The following LNPEP variants were observed in gnomAD, a reference collection of about 807,000 sequenced individuals.
LNPEP encodes leucyl and cystinyl aminopeptidase.
Under a neutral mutation model 120.6 loss-of-function variants are expected in LNPEP, and 64 were observed. The observed-to-expected ratio is 0.53, with a 90% confidence interval of 0.43 to 0.65. The LOEUF (loss-of-function observed/expected upper bound fraction) is 0.65, where lower values mean the gene tolerates loss of function less well. Among genes scored for constraint, LNPEP ranks in the 30% least tolerant of loss-of-function variants. The probability of loss-of-function intolerance (pLI) is 0.00; values close to 1 mark genes in which losing one functional copy is unlikely to be tolerated. For synonymous variants in LNPEP, 435 were observed against 425.4 expected, an observed-to-expected ratio of 1.02 and a Z score of -0.28; for missense variants, 1,057 against 1,200.0, an observed-to-expected ratio of 0.88 and a Z score of 1.76.
chr5:97,005,111 A>G (rs1790748574), intron 9 of LNPEP, among the ~76,000 whole-genome samples: 1 of 152,198 alleles, frequency 6.6e-6, no homozygotes, highest in South Asian at 2.1e-4. Context: ...TAAATAGGTC[A>G]GAGCCATGAT....
chr5:97,006,026 T>C lies in LNPEP; in HGVS notation c.1786-47T>C, dbSNP rs1271256735. On this transcript the variant is annotated intron_variant, in intron 9 of 17. Coordinates refer to ENST00000231368, the MANE Select transcript of LNPEP (RefSeq NM_005575.3). ...AATGTAAAATTTTTTAAACCAATTT[T>C]TATTTTTAAGGAAAAAGTTTTATAT... is the stretch of plus-strand genomic sequence containing the variant. 10 of 676,672 alleles carry C rather than the reference T, an allele frequency of 1.5e-5. No individual in the cohort carries two copies. The African/African-American group carries it at 1.8e-4, about 12-fold the overall frequency. 41.9% of individuals were successfully genotyped at this position (676,672 alleles called of 1,614,324 possible).
chr5:96,951,267 G>C (rs918993312), intron 1 of LNPEP, among the ~76,000 whole-genome samples: 2 of 151,634 alleles, frequency 1.3e-5, no homozygotes, highest in Non-Finnish European at 2.9e-5. Context: ...TTTTTTGGCG[G>C]GGGGCGCGGG....
At chr5:96,938,761 C>T (rs1239037517) in intron 1 of LNPEP, among the ~76,000 whole-genome samples, 1 of 152,160 alleles carries the variant, frequency 6.6e-6, no homozygotes, top group East Asian at 1.9e-4. Flanking sequence ...GATCTTAGTG[C>T]TAGGAATTCC....
At chr5:96,964,549 A>G (rs1789682407) in intron 1 of LNPEP, among the ~76,000 whole-genome samples, 1 of 152,052 alleles carries the variant, frequency 6.6e-6, no homozygotes, top group Non-Finnish European at 1.5e-5. Flanking sequence ...ATAATATCTT[A>G]TTCAGTATGA....
chr5:96,941,759 T>C (rs1337456842), intron 1 of LNPEP, among the ~76,000 whole-genome samples: 1 of 152,208 alleles, frequency 6.6e-6, no homozygotes, highest in Non-Finnish European at 1.5e-5. Context: ...GTAATTCATT[T>C]GTGATTGTCC....
At position 97,003,404 on chromosome 5, in the gene LNPEP, T is replaced by G. The variant is rs756674515; in HGVS notation, c.1654-11T>G. On this transcript the variant is annotated splice_polypyrimidine_tract_variant and intron_variant, in intron 8 of 17. Coordinates refer to ENST00000231368, the MANE Select transcript of LNPEP (RefSeq NM_005575.3). ...ATTTTCTTTCTTTTTCCTCACTTTT[T>G]TTTTTAATAGGGATCTTCTCTCTTG... 6 of 1,467,882 alleles carry G rather than the reference T, an allele frequency of 4.1e-6. No individual in the cohort carries two copies. In the South Asian group the frequency reaches 7.4e-5, roughly 18 times the overall value. 90.9% of individuals were successfully genotyped at this position (1,467,882 alleles called of 1,614,324 possible).
intron 16 of LNPEP, among the ~76,000 whole-genome samples, chr5:97,027,372 G>A (rs547549973): frequency 1.3e-5 from 2 of 151,912 alleles, no homozygotes; most frequent in Non-Finnish European, 2.9e-5. Flanking sequence ...AAACAAAAAG[G>A]AAAATACCTC....
chr5:96,963,385 ATCTTGCATGAGGTCACTCTTGTAGCAGT>A (rs1789651379), intron 1 of LNPEP, among the ~76,000 whole-genome samples: 2 of 152,100 alleles, frequency 1.3e-5, no homozygotes, highest in Non-Finnish European at 2.9e-5. Flanking sequence ...TCCTCTGCTG[ATCTTGCATGAGGTCACTCTTGTAGCAGT>A]CATCATCTGG....
rs1791433905 is a variant in LNPEP, at chr5:97,029,771, G to A, written c.*1238G>A. On this transcript the variant is annotated 3_prime_UTR_variant, in exon 18 of 18. Transcript: ENST00000231368. ...TTGTGTGTCCAAACTAACATAAAAG[G>A]AGTGGTCAAAGAAGGAAAGAAGAAA... The A allele has an allele frequency of 6.6e-6, 1 of 152,036 alleles. No homozygotes were observed. The highest frequency in any genetic ancestry group is 6.6e-5 in the Admixed American group (1 of 15,266). The allele number at this position is 152,036 out of a possible 1,614,324, so 9.4% of individuals were successfully genotyped here.
intron 9 of LNPEP, among the ~76,000 whole-genome samples, chr5:97,005,445 T>G (rs1790756969): frequency 6.6e-6 from 1 of 152,070 alleles, no homozygotes; most frequent in Non-Finnish European, 1.5e-5. Context: ...TAACTTCATA[T>G]ATTTTCTGGG....
At chr5:96,976,063 G>A (rs950337832) in intron 1 of LNPEP, among the ~76,000 whole-genome samples, 1 of 152,082 alleles carries the variant, frequency 6.6e-6, no homozygotes, top group Non-Finnish European at 1.5e-5. Flanking sequence ...AAATCCCATC[G>A]AGCAAGGGGT....
Position 97,030,625 on chromosome 5 carries a change from TGTGTG to T in LNPEP, c.*2093_*2097del, listed in dbSNP as rs1791450939. 4 of 20,918 alleles carry T rather than the reference TGTGTG, an allele frequency of 1.9e-4. No individual in the cohort carries two copies. Among genetic ancestry groups the T allele is most frequent in the Non-Finnish European group, 3.5e-4 (4 of 11,512 alleles). The allele number at this position is 20,918 out of a possible 1,614,324, so 1.3% of individuals were successfully genotyped here. A position where few individuals can be genotyped will look rare whatever the true frequency, so the allele number is the denominator to read the frequency against. On this transcript the variant is annotated 3_prime_UTR_variant, in exon 18 of 18. Coordinates refer to ENST00000231368, the MANE Select transcript of LNPEP (RefSeq NM_005575.3). The stretch of plus-strand genomic sequence containing the variant: ...CTCTCCCTCTCTCTCTCTCTCTGTG[TGTGTG>T]TGTGTGTGTGTGTGTGTGTGTGTGT...
intron 13 of LNPEP, among the ~76,000 whole-genome samples, chr5:97,021,854 T>C (rs189031374): frequency 7.2e-4 from 110 of 151,938 alleles, no homozygotes; most frequent in Middle Eastern, 3.4e-3. Flanking sequence ...CCTTTTTTTT[T>C]CCTCATTGGA....
chr5:96,973,280 A>C (rs1789911649), intron 1 of LNPEP, among the ~76,000 whole-genome samples: 1 of 152,084 alleles, frequency 6.6e-6, no homozygotes, highest in African/African-American at 2.4e-5. Context: ...CCCAGAAAAA[A>C]ATCACCTTTT....
chr5:96,937,309 C>G (rs1439625521), intron 1 of LNPEP: 1 of 152,204 alleles, frequency 6.6e-6, no homozygotes, highest in Non-Finnish European at 1.5e-5. Context: ...GGGCTGTGAA[C>G]TACTGATTAT....
intron 14 of LNPEP, 93 bp from the exon 15 acceptor site, chr5:97,024,428 C>T: frequency 8.6e-7 from 1 of 1,166,170 alleles, no homozygotes; most frequent in Non-Finnish European, 1.2e-6. Flanking sequence ...TTATTACCAA[C>T]CCTCACACCA....
chr5:97,007,690 C>A lies in LNPEP; in HGVS notation c.2035+1175C>A, dbSNP rs141970115. The stretch of plus-strand genomic sequence containing the variant: ...CATTATGTATATATGATTTCTGTAT[C>A]TTGCCTTTTTTAACTTAACATATAT... On this transcript the variant is annotated intron_variant, in intron 11 of 17. Transcript: ENST00000231368. 8.5e-5 allele frequency among the ~76,000 whole-genome samples: 13 copies of A among 152,172 alleles called. 1 individual carries two copies. Among genetic ancestry groups the A allele is most frequent in the African/African-American group, 2.4e-4 (10 of 41,520 alleles).
chr5:97,014,912 T>C (rs1412720212), intron 12 of LNPEP, 27 bp from the exon 13 acceptor site: 6 of 1,475,910 alleles, frequency 4.1e-6, no homozygotes, highest in Non-Finnish European at 4.5e-6. Context: ...TCTGCATATT[T>C]ACTTTTCCTG....
At chr5:97,027,627 A>G (rs1791376526) in intron 16 of LNPEP, 106 bp from the exon 17 acceptor site, 3 of 695,130 alleles carry the variant, frequency 4.3e-6, no homozygotes, top group Non-Finnish European at 7.6e-6. Context: ...TTCCGGGAGG[A>G]GGATTCCACT....
Sources: allele counts gnomAD v4.1 joint callset (sites outside exome capture counted in the v4.1 genomes callset), GRCh38; gene constraint gnomAD v4.1.1; transcripts MANE v1.5; gene names NCBI Gene and HGNC (gene_info 2026-07-23, HGNC 2026-07-21).